Variants in LPIN2 observed in about 807,000 individuals in gnomAD.
The protein encoded by LPIN2 is phosphatidate phosphatase LPIN2.
In LPIN2, 55 loss-of-function variants were observed where a neutral mutation model predicts 111.4. The ratio of observed to expected loss-of-function variants is 0.49; its 90% CI spans 0.40 to 0.62. The LOEUF is 0.62. Ranked by LOEUF, LPIN2 falls within the 20% of genes least tolerant of loss-of-function variation. LPIN2 has a pLI of 0.00. For missense variants in LPIN2, 992 were observed against 1,112.1 expected (o/e 0.89, Z 1.54); for synonymous variants, 425 against 414.0 (o/e 1.03, Z -0.32).
At chr18:2,923,686 T>C (rs1200586714) in intron 16 of LPIN2, 89 bp downstream of exon 16, 2 of 1,083,130 alleles carry the variant, frequency 1.8e-6, no homozygotes, top group Non-Finnish European at 1.4e-6. Context: ...ACATGACTCA[T>C]GTGGACTGAA....
rs916326888 is a variant in LPIN2, at chr18:2,929,081, T to C, written c.1534A>G (p.Ile512Val). ...AGTATTTACCGATTATATATCCTTATTACAAGGTTAGGATTGTCTATAAGT... is the reference window on the plus strand; with the variant it reads ...AGTATTTACCGATTATATATCCTTACTACAAGGTTAGGATTGTCTATAAGT... ...PGLIDNPNLV[I>V]RIYNRYYNWA... The change falls in exon 10 of 20, where the codon ATA becomes GTA. Residue 512 changes from isoleucine to valine, a missense_variant. Coordinates refer to ENST00000677752, the MANE Select transcript of LPIN2 (RefSeq NM_001375808.2). 6.3e-7 allele frequency: 1 copy of C among 1,587,074 alleles called. No individual in the cohort carries two copies. The highest frequency in any genetic ancestry group is 1.3e-5 in the African/African-American group (1 of 74,324).
chr18:2,941,905 C>CAGAGAG (rs2077372045), intron 4 of LPIN2, among the ~76,000 whole-genome samples: 1 of 152,164 alleles, frequency 6.6e-6, no homozygotes, highest in Non-Finnish European at 1.5e-5. Flanking sequence ...GCCTAGGTGA[C>CAGAGAG]AGAGAGAGAC....
At chr18:2,997,627 T>C (rs75600066) in intron 1 of LPIN2, among the ~76,000 whole-genome samples, 9,817 of 152,234 alleles carry the variant, frequency 0.064, 408 homozygotes, top group Non-Finnish European at 0.095. Context: ...AAACCTTACA[T>C]ATGGCATCAA....
intron 4 of LPIN2, among the ~76,000 whole-genome samples, chr18:2,942,351 A>G (rs559148316): frequency 4.5e-4 from 69 of 152,318 alleles, no homozygotes; most frequent in Non-Finnish European, 7.9e-4. Context: ...TGAGAAAGGG[A>G]AAATCAGGTT....
intron 4 of LPIN2, among the ~76,000 whole-genome samples, chr18:2,941,194 AT>A (rs2144212345): frequency 6.6e-6 from 1 of 152,342 alleles, no homozygotes; most frequent in South Asian, 2.1e-4. Context: ...GAAAATGTAT[AT>A]TAGCTGAAGA....
intron 1 of LPIN2, among the ~76,000 whole-genome samples, chr18:2,968,169 ACT>A (rs1326991355): frequency 6.6e-6 from 1 of 152,112 alleles, no homozygotes; most frequent in African/African-American, 2.4e-5. Context: ...CCCTGTACAG[ACT>A]CTGTAAACGA....
At chr18:3,003,406 G>C (rs991927526) in intron 1 of LPIN2, among the ~76,000 whole-genome samples, 1 of 152,208 alleles carries the variant, frequency 6.6e-6, no homozygotes, top group African/African-American at 2.4e-5. Flanking sequence ...CCAACAATGT[G>C]ATGGGACCTG....
At chr18:3,012,124 G>A (rs900132358) in intron 1 of LPIN2, among the ~76,000 whole-genome samples, 2 of 152,060 alleles carry the variant, frequency 1.3e-5, no homozygotes, top group East Asian at 3.9e-4. Flanking sequence ...ATCACTACTG[G>A]GTAAAGAACT....
chr18:2,984,353 C>A (rs2078156578), intron 1 of LPIN2, among the ~76,000 whole-genome samples: 1 of 152,074 alleles, frequency 6.6e-6, no homozygotes, highest in South Asian at 2.1e-4. Context: ...CAAACTCCTA[C>A]TTCCAGAAGA....
At chr18:2,960,493 T>G in intron 2 of LPIN2, 156 bp downstream of exon 2, 1 of 718,920 alleles carries the variant, frequency 1.4e-6, no homozygotes, top group Non-Finnish European at 2.4e-6. Flanking sequence ...TCTCGTAACA[T>G]TGTCTCAACA....
intron 1 of LPIN2, among the ~76,000 whole-genome samples, chr18:2,973,758 T>G (rs752227584): frequency 1.3e-5 from 2 of 152,286 alleles, no homozygotes; most frequent in Non-Finnish European, 2.9e-5. Context: ...AATTCATTTA[T>G]GTTTCATATA....
chr18:2,932,627 T>C (rs1470322686), intron 8 of LPIN2, among the ~76,000 whole-genome samples: 2 of 152,184 alleles, frequency 1.3e-5, no homozygotes, highest in Non-Finnish European at 2.9e-5. Flanking sequence ...CACACCTGTC[T>C]CCTCTTTCTC....
At chr18:2,928,532 T>C (rs1598527788) in intron 11 of LPIN2, 59 bp downstream of exon 11, 2 of 1,481,494 alleles carry the variant, frequency 1.3e-6, no homozygotes, top group East Asian at 4.5e-5. Flanking sequence ...TATGGATTTG[T>C]GTAAGTACTA....
At position 2,939,427 on chromosome 18, in the gene LPIN2, C is replaced by T. The variant is rs2077338506; in HGVS notation, c.822+53G>A. On this transcript the variant is annotated intron_variant, in intron 6 of 19. Transcript: ENST00000677752. ...TCCTTTACTTATGGGCAGAGGAATT[C>T]GTCACTTGTTTAATCATTAACACAC... 75 of 1,607,994 alleles carry T rather than the reference C, an allele frequency of 4.7e-5. No homozygotes were observed. The South Asian group carries it at 5.6e-4, about 12-fold the overall frequency.
intron 1 of LPIN2, among the ~76,000 whole-genome samples, chr18:3,001,568 T>C (rs1008669292): frequency 6.6e-6 from 1 of 151,878 alleles, no homozygotes; most frequent in Non-Finnish European, 1.5e-5. Flanking sequence ...ATATAAGAGA[T>C]GAACCTTCAT....
At chr18:2,954,233 A>T (rs2077577782) in intron 3 of LPIN2, among the ~76,000 whole-genome samples, 1 of 152,266 alleles carries the variant, frequency 6.6e-6, no homozygotes, top group Non-Finnish European at 1.5e-5. Context: ...AGCTCATTAA[A>T]GCTAGAAAGT....
At chr18:2,927,450 C>T (rs921647634) in intron 12 of LPIN2, among the ~76,000 whole-genome samples, 1 of 152,160 alleles carries the variant, frequency 6.6e-6, no homozygotes, top group Non-Finnish European at 1.5e-5. Context: ...AGGTCTTGCC[C>T]CAGCTCCGTC....
chr18:2,926,065 C>A (rs957552653), intron 13 of LPIN2, among the ~76,000 whole-genome samples: 2 of 152,070 alleles, frequency 1.3e-5, no homozygotes, highest in Admixed American at 6.5e-5. Context: ...TTGTATGAGC[C>A]GAGGAGCTAT....
intron 16 of LPIN2, among the ~76,000 whole-genome samples, chr18:2,922,624 T>C (rs1238186748): frequency 6.6e-6 from 1 of 152,214 alleles, no homozygotes. Context: ...TCATTTACTG[T>C]GAAAACCAAA....
Sources: allele counts gnomAD v4.1 joint callset (sites outside exome capture counted in the v4.1 genomes callset), GRCh38; gene constraint gnomAD v4.1.1; transcripts MANE v1.5; gene names NCBI Gene and HGNC (gene_info 2026-07-23, HGNC 2026-07-21).